IQCJ: variants seen among roughly 807,000 people sequenced by gnomAD.
IQCJ encodes IQ domain-containing protein J.
Under a neutral mutation model 11.0 loss-of-function variants are expected in IQCJ, and 9 were observed. The observed-to-expected ratio is 0.82, with a 90% CI of 0.49 to 1.43. The LOEUF (loss-of-function observed/expected upper bound fraction) is 1.43, where lower values mean the gene tolerates loss of function less well. Among genes scored for constraint, IQCJ ranks in the 40% most tolerant of loss-of-function variants. IQCJ has a pLI of 0.00. For synonymous variants in IQCJ, 55 were observed against 51.3 expected (o/e 1.07, Z -0.31); for missense variants, 146 against 133.2 (o/e 1.10, Z -0.47).
chr3:159,070,651 C>G (rs1247304043), intron 1 of IQCJ, among the ~76,000 whole-genome samples: 1 of 151,996 alleles, frequency 6.6e-6, no homozygotes, highest in Admixed American at 6.6e-5. Context: ...TCAATATTAA[C>G]TAATTTTTGT....
In IQCJ at chr3:159,161,669, A is replaced by G. The variant is rs532616743; in HGVS notation, c.10-84174A>G. Among the ~76,000 whole-genome samples the G allele has an allele frequency of 3.3e-5, 5 of 152,284 alleles. No homozygotes were observed. The South Asian group carries it at 1.0e-3, about 32-fold the overall frequency. On this transcript the variant is annotated intron_variant, in intron 1 of 3. Transcript: ENST00000397832. The stretch of plus-strand genomic sequence containing the variant: ...TAGGGTTTTTATGGTTTTAGGTCTA[A>G]CGTTTAAGTTTTTAATCCATCTTGA...
At chr3:159,102,553 G>A (rs1418095801) in intron 1 of IQCJ, among the ~76,000 whole-genome samples, 2 of 152,208 alleles carry the variant, frequency 1.3e-5, no homozygotes, top group Non-Finnish European at 2.9e-5. Context: ...ACATGGGTCT[G>A]CATGGGTGAA....
chr3:159,182,641 G>T (rs937968573), intron 1 of IQCJ, among the ~76,000 whole-genome samples: 1 of 152,044 alleles, frequency 6.6e-6, no homozygotes, highest in Non-Finnish European at 1.5e-5. Context: ...GAGCAAGCAG[G>T]GGGTACGTGA....
intron 1 of IQCJ, among the ~76,000 whole-genome samples, chr3:159,174,761 C>A (rs1722677366): frequency 6.6e-6 from 1 of 152,076 alleles, no homozygotes; most frequent in Admixed American, 6.6e-5. Context: ...TCAAAATTTA[C>A]AAATGTGATT....
chr3:159,151,870 G>A (rs768727957), intron 1 of IQCJ, among the ~76,000 whole-genome samples: 12 of 152,138 alleles, frequency 7.9e-5, no homozygotes, highest in South Asian at 2.1e-4. Flanking sequence ...TCCCAACCTC[G>A]TGATCCGCCC....
chr3:159,162,478 G>C (rs1398285950), intron 1 of IQCJ, among the ~76,000 whole-genome samples: 12 of 152,278 alleles, frequency 7.9e-5, no homozygotes, highest in Admixed American at 4.6e-4. Flanking sequence ...CATCTGCAAA[G>C]AGGGACAATT....
intron 1 of IQCJ, among the ~76,000 whole-genome samples, chr3:159,115,435 T>C (rs1410829135): frequency 6.6e-6 from 1 of 152,056 alleles, no homozygotes; most frequent in African/African-American, 2.4e-5. Flanking sequence ...TCAACTAACT[T>C]CAGGGAAGGC....
At chr3:159,082,470 G>A (rs1274947775) in intron 1 of IQCJ, among the ~76,000 whole-genome samples, 1 of 151,836 alleles carries the variant, frequency 6.6e-6, no homozygotes, top group Non-Finnish European at 1.5e-5. Context: ...AGGGGAGCAA[G>A]TGTTTTAGGG....
chr3:159,228,619 G>A (rs566688504), intron 1 of IQCJ, among the ~76,000 whole-genome samples: 3 of 152,144 alleles, frequency 2.0e-5, no homozygotes, highest in South Asian at 2.1e-4. Context: ...GTGAAACCTC[G>A]TCTCTACTAA....
At chr3:159,265,251 A>G (rs1728433903), downstream of IQCJ, 9 of 1,613,428 alleles carry the variant, frequency 5.6e-6, no homozygotes, top group Non-Finnish European at 7.6e-6. Flanking sequence ...TCATCCTTAC[A>G]TCTCTTGGAG....
chr3:159,200,057 TTA>T (rs907403054), intron 1 of IQCJ, among the ~76,000 whole-genome samples: 4 of 131,202 alleles, frequency 3.0e-5, no homozygotes, highest in African/African-American at 6.1e-5. Context: ...TAAATCTAAA[TTA>T]TATATATATG....
intron 1 of IQCJ, among the ~76,000 whole-genome samples, chr3:159,085,571 C>T (rs1207932572): frequency 1.4e-5 from 2 of 147,076 alleles, no homozygotes; most frequent in Non-Finnish European, 1.5e-5. Flanking sequence ...ACATCCTCTC[C>T]AGCACCTGTT....
At chr3:159,214,957 G>T (rs140861025) in intron 1 of IQCJ, among the ~76,000 whole-genome samples, 13 of 152,238 alleles carry the variant, frequency 8.5e-5, no homozygotes, top group African/African-American at 2.6e-4. Context: ...GCTGTTAAAA[G>T]GTCATTTCAA....
intron 1 of IQCJ, among the ~76,000 whole-genome samples, chr3:159,144,147 A>C (rs1290563689): frequency 6.6e-6 from 1 of 152,230 alleles, no homozygotes. Flanking sequence ...GGGGGCACGA[A>C]CATTCAAACC....
chr3:159,260,518 T>C (rs2108232895), intron 3 of IQCJ, among the ~76,000 whole-genome samples: 1 of 152,274 alleles, frequency 6.6e-6, no homozygotes, highest in Non-Finnish European at 1.5e-5. Context: ...TTAGCTGGGC[T>C]CTGGGATACC....
intron 1 of IQCJ, among the ~76,000 whole-genome samples, chr3:159,106,591 C>T (rs1289698052): frequency 4.6e-5 from 7 of 152,126 alleles, no homozygotes; most frequent in Non-Finnish European, 8.8e-5. Flanking sequence ...CACTGAACAC[C>T]AAATGTTTGG....
chr3:159,152,455 A>G (rs1721286364), intron 1 of IQCJ, among the ~76,000 whole-genome samples: 2 of 152,256 alleles, frequency 1.3e-5, no homozygotes, highest in Admixed American at 6.5e-5. Context: ...GTACGTTACC[A>G]TGTGTCTGAA....
At chr3:159,166,401 C>T (rs1018523493) in intron 1 of IQCJ, among the ~76,000 whole-genome samples, 1 of 152,150 alleles carries the variant, frequency 6.6e-6, no homozygotes, top group African/African-American at 2.4e-5. Flanking sequence ...TATGGCTTTG[C>T]CAACCTGACA....
intron 1 of IQCJ, among the ~76,000 whole-genome samples, chr3:159,222,698 A>C (rs1172372387): frequency 6.6e-6 from 1 of 152,194 alleles, no homozygotes. Context: ...CTTGCCTAAA[A>C]ATAAAAAAGC....
Sources: gnomAD v4.1 joint callset for allele counts (sites outside exome capture counted in the v4.1 genomes callset) on GRCh38, gnomAD v4.1.1 for gene constraint, MANE v1.5 for transcripts, NCBI Gene and HGNC (gene_info 2026-07-23, HGNC 2026-07-21) for gene names.